RBM33: variants seen among roughly 807,000 people sequenced by gnomAD.
RBM33 encodes RNA binding motif protein 33, also known as RNA-binding protein 33.
A neutral mutation model predicts 132.6 loss-of-function variants in RBM33; 28 were observed. The observed-to-expected ratio is 0.21, with a 90% CI of 0.16 to 0.29. The LOEUF (loss-of-function observed/expected upper bound fraction) is 0.29, where lower values mean the gene tolerates loss of function less well. Ranked by LOEUF, RBM33 falls within the 10% of genes least tolerant of loss-of-function variation. The probability of loss-of-function intolerance (pLI) is 1.00; values close to 1 mark genes in which losing one functional copy is unlikely to be tolerated. For missense variants in RBM33, 1,291 were observed against 1,518.5 expected, an observed-to-expected ratio of 0.85 and a Z score of 2.49; for synonymous variants, 634 against 593.0, an observed-to-expected ratio of 1.07 and a Z score of -1.01.
intron 9 of RBM33, among the ~76,000 whole-genome samples, chr7:155,735,453 C>T (rs10264480): frequency 0.18 from 26,872 of 152,092 alleles, 2,416 homozygotes; most frequent in East Asian, 0.28. Context: ...GTCTGTAATC[C>T]AAGTACTTTA....
intron 16 of RBM33, among the ~76,000 whole-genome samples, chr7:155,769,142 A>G (rs895431483): frequency 6.6e-6 from 1 of 152,236 alleles, no homozygotes; most frequent in African/African-American, 2.4e-5. Context: ...TCTTCCAAAA[A>G]GTTTCGAACT....
rs116207790 is a variant in RBM33, at chr7:155,710,077, C to T, written c.949-1126C>T. Reference sequence around the variant, plus strand: ...TCATTTTCCTACCAAAGAGATCATTCGTGATCCCTTATTATACGTGTTGTC... The same window carrying T: ...TCATTTTCCTACCAAAGAGATCATTTGTGATCCCTTATTATACGTGTTGTC... On this transcript the variant is annotated intron_variant, in intron 7 of 17. Transcript: ENST00000401878. 6.3e-3 allele frequency among the ~76,000 whole-genome samples: 959 copies of T among 152,234 alleles called. 8 individuals carry two copies. Among genetic ancestry groups the T allele is most frequent in the African/African-American group, 0.022 (896 of 41,526 alleles).
chr7:155,660,446 A>T (rs77094918), intron 1 of RBM33, among the ~76,000 whole-genome samples: 1 of 152,226 alleles, frequency 6.6e-6, no homozygotes, highest in Non-Finnish European at 1.5e-5. Context: ...TGGGGATACA[A>T]TTCAACCAGT....
intron 6 of RBM33, among the ~76,000 whole-genome samples, chr7:155,704,989 ATTT>A (rs1172707374): frequency 1.3e-5 from 2 of 152,130 alleles, no homozygotes; most frequent in Non-Finnish European, 2.9e-5. Context: ...GTCATTTGTT[ATTT>A]TTATTTTGCC....
chr7:155,738,977 C>T (rs1456710434), intron 11 of RBM33: 1 of 154,160 alleles, frequency 6.5e-6, no homozygotes, highest in Admixed American at 6.4e-5. Context: ...TATATTTCTT[C>T]TTGTATTGTA....
chr7:155,737,935 T>C lies in RBM33; in HGVS notation c.1394-125T>C, dbSNP rs189810976. On this transcript the variant is annotated intron_variant, in intron 10 of 17. Transcript: ENST00000401878. Reference sequence around the variant, plus strand: ...ATAAGAGGCAAAATCTGGAATTGTTTCCAACATTCATAACCTGTCAACACT... The same window carrying C: ...ATAAGAGGCAAAATCTGGAATTGTTCCCAACATTCATAACCTGTCAACACT... 1.5e-4 allele frequency: 141 copies of C among 926,372 alleles called. No homozygotes were observed. The African/African-American group carries it at 2.2e-3, about 14-fold the overall frequency. 57.4% of individuals were successfully genotyped at this position (926,372 alleles called of 1,614,324 possible).
intron 5 of RBM33, among the ~76,000 whole-genome samples, chr7:155,684,117 C>T (rs1056700927): frequency 6.6e-6 from 1 of 152,154 alleles, no homozygotes; most frequent in Non-Finnish European, 1.5e-5. Flanking sequence ...TGGTTTGTCA[C>T]CTTAAATACA....
intron 1 of RBM33, among the ~76,000 whole-genome samples, chr7:155,656,728 C>T (rs1293055169): frequency 6.6e-6 from 1 of 152,114 alleles, no homozygotes; most frequent in Non-Finnish European, 1.5e-5. Context: ...GACTTTTTGT[C>T]ATTAAAATAT....
Position 155,645,032 on chromosome 7 carries a change from T to G in RBM33, c.43+113T>G, listed in dbSNP as rs981535229. 5.4e-6 allele frequency: 4 copies of G among 746,658 alleles called. No individual in the cohort carries two copies. In the African/African-American group the frequency reaches 5.6e-5, roughly 10 times the overall value. The allele number at this position is 746,658 out of a possible 1,614,324, so 46.3% of individuals were successfully genotyped here. A position where few individuals can be genotyped will look rare whatever the true frequency, so the allele number is the denominator to read the frequency against. On this transcript the variant is annotated intron_variant, in intron 1 of 17. Coordinates refer to ENST00000401878, the MANE Select transcript of RBM33 (RefSeq NM_053043.3). ...ACGAGGCTCTCCCCGGCTCCGACTC[T>G]CTTTGTGTTCGGCCTATTCCGTTTT...
chr7:155,724,623 C>T (rs10241108), intron 9 of RBM33, among the ~76,000 whole-genome samples: 36,557 of 152,116 alleles, frequency 0.24, 4,659 homozygotes, highest in African/African-American at 0.32. Flanking sequence ...TTTGAGCGTA[C>T]AGGTGTGTGA....
chr7:155,769,210 A>T (rs142072106), intron 16 of RBM33, among the ~76,000 whole-genome samples: 1 of 150,632 alleles, frequency 6.6e-6, no homozygotes, highest in Non-Finnish European at 1.5e-5. Context: ...AAGACTAGAT[A>T]TTTTTTTTTT....
chr7:155,672,941 T>G (rs746036706), intron 3 of RBM33, 26 bp downstream of exon 3: 1 of 1,463,698 alleles, frequency 6.8e-7, no homozygotes. Context: ...CCTTCTGAGA[T>G]GAAATACTAG....
At chr7:155,740,061 T>C (rs1337309472) in intron 12 of RBM33, 35 bp downstream of exon 12, 10 of 1,481,146 alleles carry the variant, frequency 6.8e-6, no homozygotes, top group Non-Finnish European at 8.1e-6. Flanking sequence ...TGTGTCTTCC[T>C]GGGAGGCCTT....
rs1216082917 is a variant in RBM33, at chr7:155,763,849, A to G, written c.3017A>G (p.Gln1006Arg). 8.1e-6 allele frequency: 13 copies of G among 1,612,292 alleles called. No homozygotes were observed. The highest frequency in any genetic ancestry group is 1.1e-5 in the Non-Finnish European group (13 of 1,179,194). Residue 1006 changes from glutamine to arginine, a missense_variant, in exon 15 of 18, where the codon CAG becomes CGG. Transcript: ENST00000401878. Reference sequence around the variant, plus strand: ...GATGGCTTTTTTCACCCAGAAGGCCAGCCCCAGCGGCTTCCCCAGCCTCCG... The same window carrying G: ...GATGGCTTTTTTCACCCAGAAGGCCGGCCCCAGCGGCTTCCCCAGCCTCCG... ...ESDGFFHPEG[Q>R]PQRLPQPPEV...
intron 14 of RBM33, among the ~76,000 whole-genome samples, chr7:155,751,344 C>T (rs1190834633): frequency 1.3e-5 from 2 of 152,148 alleles, no homozygotes; most frequent in African/African-American, 4.8e-5. Flanking sequence ...CACACAGATA[C>T]TCTCTTACAA....
intron 9 of RBM33, among the ~76,000 whole-genome samples, chr7:155,727,839 C>G (rs969935490): frequency 6.6e-6 from 1 of 152,224 alleles, no homozygotes; most frequent in African/African-American, 2.4e-5. Context: ...GATCGCAGCT[C>G]GCTGCAGGCC....
chr7:155,726,897 G>A (rs1289075057), intron 9 of RBM33, among the ~76,000 whole-genome samples: 2 of 152,214 alleles, frequency 1.3e-5, no homozygotes, highest in Admixed American at 6.5e-5. Context: ...CATTGGTGAT[G>A]TAACTTTAGT....
chr7:155,730,437 C>T (rs1302890710), intron 9 of RBM33, among the ~76,000 whole-genome samples: 1 of 152,152 alleles, frequency 6.6e-6, no homozygotes, highest in East Asian at 1.9e-4. Context: ...AAAATGATAA[C>T]GACATGTATG....
At position 155,779,587 on chromosome 7, in the gene RBM33, T is replaced by A. The variant is rs1433070271; in HGVS notation, c.*4546T>A. ...TTTTTGCAACCTATTTAATTTTTTT[T>A]AAATGCCTAACTTCTGAGGTGCATA... On this transcript the variant is annotated 3_prime_UTR_variant, in exon 18 of 18. Transcript: ENST00000401878. The A allele has an allele frequency of 6.6e-6, 1 of 152,228 alleles. No homozygotes were observed. The highest frequency in any genetic ancestry group is 1.5e-5 in the Non-Finnish European group (1 of 68,044). The allele number at this position is 152,228 out of a possible 1,614,324, so 9.4% of individuals were successfully genotyped here.
Sources: allele counts gnomAD v4.1 joint callset (sites outside exome capture counted in the v4.1 genomes callset), GRCh38; gene constraint gnomAD v4.1.1; transcripts MANE v1.5; gene names NCBI Gene and HGNC (gene_info 2026-07-23, HGNC 2026-07-21).